Variants in HLCS observed in about 807,000 individuals in gnomAD.
HLCS encodes the protein holocarboxylase synthetase, also known as biotin--protein ligase.
HLCS carries 53 observed loss-of-function variants against 75.0 expected under a neutral mutation model. The ratio of observed to expected loss-of-function variants is 0.71; its 90% CI spans 0.57 to 0.89. The LOEUF (loss-of-function observed/expected upper bound fraction) is 0.89, where lower values mean the gene tolerates loss of function less well. Ranked by LOEUF, HLCS falls within the 40% of genes least tolerant of loss-of-function variation. HLCS has a pLI of 0.00. For synonymous variants in HLCS, 431 were observed against 428.6 expected, an observed-to-expected ratio of 1.01 and a Z score of -0.07; for missense variants, 966 against 1,074.0, an observed-to-expected ratio of 0.90 and a Z score of 1.41.
chr21:36,759,606 C>A (rs565636289), intron 9 of HLCS, 121 bp downstream of exon 9: 7 of 703,776 alleles, frequency 9.9e-6, no homozygotes, highest in African/African-American at 1.8e-5. Flanking sequence ...TCCAAAACTA[C>A]AAGACTCAAA....
intron 5 of HLCS, among the ~76,000 whole-genome samples, chr21:36,928,128 G>A (rs953051468): frequency 2.0e-5 from 3 of 152,078 alleles, no homozygotes; most frequent in Non-Finnish European, 2.9e-5. Flanking sequence ...AGCTGCCTCC[G>A]GAAAGACCAC....
intron 2 of HLCS, among the ~76,000 whole-genome samples, chr21:36,942,398 C>CAA (rs55999516): frequency 5.1e-4 from 41 of 80,934 alleles, no homozygotes; most frequent in Middle Eastern, 7.9e-3. Flanking sequence ...GACTCCGTCT[C>CAA]AAAAAAAAAA....
At chr21:36,913,903 T>C (rs1205261438) in intron 5 of HLCS, among the ~76,000 whole-genome samples, 8 of 152,172 alleles carry the variant, frequency 5.3e-5, no homozygotes, top group Non-Finnish European at 1.2e-4. Flanking sequence ...CACCCCTATC[T>C]GGTTTCTGCA....
intron 6 of HLCS, among the ~76,000 whole-genome samples, chr21:36,846,254 T>C (rs1363301189): frequency 6.6e-6 from 1 of 152,196 alleles, no homozygotes; most frequent in African/African-American, 2.4e-5. Flanking sequence ...CTTCCTAAAG[T>C]TGATACCTAG....
chr21:36,965,421 T>C (rs1368339149), intron 1 of HLCS, among the ~76,000 whole-genome samples: 2 of 152,222 alleles, frequency 1.3e-5, no homozygotes, highest in African/African-American at 2.4e-5. Flanking sequence ...AACAGCTGAA[T>C]GGAAAGATCT....
intron 6 of HLCS, among the ~76,000 whole-genome samples, chr21:36,834,810 T>A (rs1035660018): frequency 1.3e-5 from 2 of 152,178 alleles, no homozygotes; most frequent in African/African-American, 4.8e-5. Flanking sequence ...TGCCTCGGCC[T>A]CCCATAGTGC....
intron 1 of HLCS, 144 bp downstream of exon 1, chr21:36,966,300 A>G: frequency 4.2e-6 from 1 of 240,834 alleles, no homozygotes; most frequent in Non-Finnish European, 6.7e-6. Context: ...CCGGGGCAAC[A>G]GCCCCTCCCG....
Position 36,966,425 on chromosome 21 carries a change from G to GGCGCC in HLCS, c.195+18_195+19insGGCGC. 2.1e-4 allele frequency: 42 copies of GGCGCC among 195,420 alleles called. No homozygotes were observed. Among genetic ancestry groups the GGCGCC allele is most frequent in the Non-Finnish European group, 3.4e-4 (40 of 116,674 alleles). 12.1% of individuals were successfully genotyped at this position (195,420 alleles called of 1,614,324 possible). On this transcript the variant is annotated intron_variant, in intron 1 of 10. Coordinates refer to ENST00000674895, the MANE Select transcript of HLCS (RefSeq NM_001352514.2). ...CCGGCTCGCGGGGCCCGGGTCGCCC[G>GGCGCC]CCCGCCCGACCCGCCCACCTGGCTG...
intron 10 of HLCS, 94 bp from the exon 11 acceptor site, chr21:36,754,511 C>T (rs538633059): frequency 1.6e-4 from 219 of 1,367,026 alleles, no homozygotes; most frequent in Middle Eastern, 5.7e-4. Context: ...GAGAGCTGGG[C>T]GTGCTGGGGA....
At chr21:36,766,463 T>C (rs1270663815) in intron 7 of HLCS, among the ~76,000 whole-genome samples, 1 of 151,828 alleles carries the variant, frequency 6.6e-6, no homozygotes, top group East Asian at 1.9e-4. Flanking sequence ...ACAAAAACAT[T>C]TTTTTTTTCC....
intron 6 of HLCS, among the ~76,000 whole-genome samples, chr21:36,791,350 T>C (rs1324150620): frequency 3.9e-5 from 6 of 152,144 alleles, no homozygotes; most frequent in African/African-American, 1.4e-4. Flanking sequence ...GCTTTCAGCA[T>C]TTGCGAGAAG....
At chr21:36,757,426 A>G (rs1263421284) in intron 9 of HLCS, among the ~76,000 whole-genome samples, 1 of 152,160 alleles carries the variant, frequency 6.6e-6, no homozygotes, top group African/African-American at 2.4e-5. Context: ...GTTACTTAAC[A>G]CCACTATCCT....
chr21:36,924,761 G>A (rs948978443), intron 5 of HLCS, among the ~76,000 whole-genome samples: 11 of 152,124 alleles, frequency 7.2e-5, no homozygotes, highest in African/African-American at 2.7e-4. Context: ...ATTATCCCTC[G>A]TTTTCCAGAA....
intron 6 of HLCS, among the ~76,000 whole-genome samples, chr21:36,778,415 G>A (rs1433770910): frequency 1.3e-5 from 2 of 152,124 alleles, no homozygotes; most frequent in African/African-American, 4.8e-5. Flanking sequence ...GAGTAGCTGG[G>A]ATTACAGGTG....
chr21:36,829,541 G>A (rs897477411), intron 6 of HLCS, among the ~76,000 whole-genome samples: 3 of 151,976 alleles, frequency 2.0e-5, no homozygotes, highest in Non-Finnish European at 4.4e-5. Flanking sequence ...AGATATTACT[G>A]AATATTAATA....
intron 6 of HLCS, among the ~76,000 whole-genome samples, chr21:36,896,116 G>A (rs1022352393): frequency 1.9e-4 from 29 of 152,356 alleles, no homozygotes; most frequent in African/African-American, 6.5e-4. Context: ...CTGGGAGGCT[G>A]ACTCAGAAGG....
intron 5 of HLCS, among the ~76,000 whole-genome samples, chr21:36,925,530 A>G (rs1175985465): frequency 1.3e-5 from 2 of 152,150 alleles, no homozygotes; most frequent in Non-Finnish European, 2.9e-5. Context: ...CCAGTTCCCC[A>G]AGGTAAAGGT....
intron 6 of HLCS, among the ~76,000 whole-genome samples, chr21:36,768,335 G>C (rs1407902542): frequency 1.3e-5 from 2 of 152,214 alleles, no homozygotes; most frequent in Non-Finnish European, 2.9e-5. Flanking sequence ...CAGTGGTCCT[G>C]CTGAGGACAA....
intron 6 of HLCS, among the ~76,000 whole-genome samples, chr21:36,879,670 AC>A: frequency 6.6e-6 from 1 of 152,258 alleles, no homozygotes; most frequent in Admixed American, 6.5e-5. Flanking sequence ...AGTGGCTCAC[AC>A]CTATAGTCCC....
Sources: gnomAD v4.1 joint callset for allele counts (sites outside exome capture counted in the v4.1 genomes callset) on GRCh38, gnomAD v4.1.1 for gene constraint, MANE v1.5 for transcripts, NCBI Gene and HGNC (gene_info 2026-07-23, HGNC 2026-07-21) for gene names.